TSHZ3: variants seen among roughly 807,000 people sequenced by gnomAD.
TSHZ3 encodes the protein teashirt zinc finger homeobox 3, also known as teashirt homolog 3.
TSHZ3 carries 10 observed loss-of-function variants against 64.5 expected under a neutral mutation model. That is an observed-to-expected ratio of 0.16 (90% CI 0.10 to 0.26). The LOEUF (loss-of-function observed/expected upper bound fraction) is 0.26, where lower values mean the gene tolerates loss of function less well. TSHZ3 is among the 10% of genes least tolerant of loss of function. The pLI, the probability that TSHZ3 is intolerant of heterozygous loss-of-function variation, is 1.00. For synonymous variants in TSHZ3, 608 were observed against 593.1 expected (o/e 1.03, Z -0.36); for missense variants, 1,242 against 1,421.7 (o/e 0.87, Z 2.03).
intron 1 of TSHZ3, among the ~76,000 whole-genome samples, chr19:31,307,140 A>G (rs895754359): frequency 6.6e-6 from 1 of 151,446 alleles, no homozygotes; most frequent in Non-Finnish European, 1.5e-5. Context: ...GTGCTTGAGG[A>G]AAAAAAAATG....
intron 3 of TSHZ3, among the ~76,000 whole-genome samples, chr19:31,232,901 G>T (rs749333077): frequency 2.0e-5 from 3 of 152,182 alleles, no homozygotes; most frequent in Non-Finnish European, 4.4e-5. Flanking sequence ...TCCAGCATTT[G>T]TTCCTTTTTA....
At chr19:31,253,525 T>C (rs752412784) in intron 1 of TSHZ3, among the ~76,000 whole-genome samples, 8 of 152,100 alleles carry the variant, frequency 5.3e-5, no homozygotes, top group Non-Finnish European at 7.4e-5. Flanking sequence ...GAATAATTAT[T>C]AATTTTTTTT....
chr19:31,210,081 G>A (rs2145158707), intron 4 of TSHZ3, among the ~76,000 whole-genome samples: 1 of 152,240 alleles, frequency 6.6e-6, no homozygotes, highest in East Asian at 1.9e-4. Context: ...TGAAGGAAAG[G>A]AGACCAGAGT....
chr19:31,230,769 G>A (rs892817867), intron 3 of TSHZ3, among the ~76,000 whole-genome samples: 7 of 141,774 alleles, frequency 4.9e-5, no homozygotes, highest in Admixed American at 2.3e-4. Flanking sequence ...GCCCAATCTC[G>A]GCTCACTGCA....
At chr19:31,229,192 G>A (rs1975508581) in intron 3 of TSHZ3, among the ~76,000 whole-genome samples, 1 of 152,120 alleles carries the variant, frequency 6.6e-6, no homozygotes, top group Non-Finnish European at 1.5e-5. Flanking sequence ...AGTTTTCTTT[G>A]AAACCTGACA....
chr19:31,283,234 T>C (rs1273853351), intron 1 of TSHZ3, among the ~76,000 whole-genome samples: 1 of 152,070 alleles, frequency 6.6e-6, no homozygotes, highest in Non-Finnish European at 1.5e-5. Context: ...CTCCAGAGGC[T>C]GAGGCAGGCG....
At chr19:31,191,946 G>A (rs1222144903) in intron 5 of TSHZ3, among the ~76,000 whole-genome samples, 1 of 152,062 alleles carries the variant, frequency 6.6e-6, no homozygotes, top group Non-Finnish European at 1.5e-5. Flanking sequence ...TGCTTACACT[G>A]AAATGATAAC....
At chr19:31,219,144 G>A (rs909146778) in intron 4 of TSHZ3, among the ~76,000 whole-genome samples, 4 of 152,120 alleles carry the variant, frequency 2.6e-5, no homozygotes, top group African/African-American at 7.2e-5. Context: ...TTCACCATAC[G>A]TATAAAATCA....
chr19:31,199,233 A>T (rs1419437519), intron 5 of TSHZ3, among the ~76,000 whole-genome samples: 3 of 151,744 alleles, frequency 2.0e-5, no homozygotes, highest in Admixed American at 2.0e-4. Context: ...CTGAAACCTC[A>T]TCTCTACTAA....
chr19:31,204,573 G>A (rs1436202628), intron 5 of TSHZ3, among the ~76,000 whole-genome samples: 4 of 152,200 alleles, frequency 2.6e-5, no homozygotes, highest in African/African-American at 7.2e-5. Context: ...CCCCAGCCAT[G>A]AGTAGAATGT....
intron 1 of TSHZ3, among the ~76,000 whole-genome samples, chr19:31,288,233 C>A (rs1019750479): frequency 1.3e-5 from 2 of 152,142 alleles, no homozygotes; most frequent in African/African-American, 4.8e-5. Flanking sequence ...AGCAGGCTCT[C>A]CAGGACTCAT....
intron 1 of TSHZ3, among the ~76,000 whole-genome samples, chr19:31,342,559 C>T (rs532003758): frequency 4.7e-4 from 72 of 152,272 alleles, no homozygotes; most frequent in South Asian, 2.1e-4. Flanking sequence ...AAATTCAAAA[C>T]CCATTTACAT....
intron 5 of TSHZ3, among the ~76,000 whole-genome samples, chr19:31,159,871 T>C (rs1191000997): frequency 6.6e-6 from 1 of 152,050 alleles, no homozygotes; most frequent in Non-Finnish European, 1.5e-5. Context: ...CTTTTATTTT[T>C]CATAGAGATG....
chr19:31,345,784 T>A (rs1163398978), intron 1 of TSHZ3, among the ~76,000 whole-genome samples: 1 of 152,160 alleles, frequency 6.6e-6, no homozygotes, highest in African/African-American at 2.4e-5. Flanking sequence ...TATTAAGTAT[T>A]ACACTAAAAT....
At chr19:31,301,931 G>A (rs1021114382) in intron 1 of TSHZ3, among the ~76,000 whole-genome samples, 2 of 152,032 alleles carry the variant, frequency 1.3e-5, no homozygotes, top group Non-Finnish European at 1.5e-5. Context: ...TGGAAAACCG[G>A]CATTTGAACT....
intron 5 of TSHZ3, among the ~76,000 whole-genome samples, chr19:31,184,077 C>G (rs1599567316): frequency 6.6e-6 from 1 of 152,112 alleles, no homozygotes; most frequent in East Asian, 1.9e-4. Context: ...AGGGCACATT[C>G]AAAATTAGCT....
At chr19:31,219,746 A>G (rs1006671575) in intron 4 of TSHZ3, among the ~76,000 whole-genome samples, 124 of 150,976 alleles carry the variant, frequency 8.2e-4, no homozygotes, top group Admixed American at 8.1e-3. Flanking sequence ...TAGCTTATGA[A>G]TCAATGGAAC....
chr19:31,188,071 T>C (rs2145134668), intron 5 of TSHZ3, among the ~76,000 whole-genome samples: 1 of 152,088 alleles, frequency 6.6e-6, no homozygotes, highest in South Asian at 2.1e-4. Flanking sequence ...ATTTAGGTCT[T>C]CTTTAATTTT....
Position 31,166,329 on chromosome 19 carries a change from G to A in TSHZ3, n.810-9912C>T, listed in dbSNP as rs139244587. Among the ~76,000 whole-genome samples the A allele has an allele frequency of 5.6e-3, 856 of 152,348 alleles. 3 individuals are homozygous for A. The highest frequency in any genetic ancestry group is 9.3e-3 in the Non-Finnish European group (630 of 68,032). ...GAGATAAGTTCTTAAAGAGGCAGTTGTCTCAGGAGCTAAGCAGACCCAGTG... is the reference window on the plus strand; with the variant it reads ...GAGATAAGTTCTTAAAGAGGCAGTTATCTCAGGAGCTAAGCAGACCCAGTG... On this transcript the variant is annotated intron_variant and non_coding_transcript_variant, in intron 5 of 6. Coordinates refer to the TSHZ3 transcript ENST00000651361.
Sources: gnomAD v4.1 joint callset for allele counts (sites outside exome capture counted in the v4.1 genomes callset) on GRCh38, gnomAD v4.1.1 for gene constraint, MANE v1.5 for transcripts, NCBI Gene and HGNC (gene_info 2026-07-23, HGNC 2026-07-21) for gene names.